TMC2: variants seen among roughly 807,000 people sequenced by gnomAD.
TMC2 encodes the protein transmembrane channel like 2.
Under a neutral mutation model 105.9 loss-of-function variants are expected in TMC2, and 102 were observed. That is an observed-to-expected ratio of 0.96 (90% CI 0.82 to 1.14). The LOEUF (loss-of-function observed/expected upper bound fraction) is 1.14, where lower values mean the gene tolerates loss of function less well. Ranked by LOEUF, TMC2 falls within the 50% of genes most tolerant of loss-of-function variation. The probability of loss-of-function intolerance (pLI) is 0.00; values close to 1 mark genes in which losing one functional copy is unlikely to be tolerated. For missense variants in TMC2, 1,093 were observed against 1,134.3 expected, an observed-to-expected ratio of 0.96 and a Z score of 0.52; for synonymous variants, 402 against 422.8, an observed-to-expected ratio of 0.95 and a Z score of 0.60.
At chr20:2,567,584 G>A (rs1161204359) in intron 4 of TMC2, among the ~76,000 whole-genome samples, 1 of 152,002 alleles carries the variant, frequency 6.6e-6, no homozygotes, top group Non-Finnish European at 1.5e-5. Flanking sequence ...TTTTTGTAGA[G>A]ACAGGGTCTC....
intron 9 of TMC2, 28 bp from the exon 10 acceptor site, chr20:2,597,123 C>T (rs759679947): frequency 1.7e-5 from 28 of 1,607,790 alleles, no homozygotes; most frequent in African/African-American, 9.4e-5. Flanking sequence ...AGAGGGCAGA[C>T]GTCACAACAG....
At chr20:2,615,620 C>T (rs906400181) in intron 14 of TMC2, among the ~76,000 whole-genome samples, 36 of 152,338 alleles carry the variant, frequency 2.4e-4, no homozygotes, top group African/African-American at 8.7e-4. Context: ...GGGTGCTTTC[C>T]TTTCCGTGAA....
intron 17 of TMC2, among the ~76,000 whole-genome samples, chr20:2,624,867 C>T (rs2086553254): frequency 6.6e-6 from 1 of 152,206 alleles, no homozygotes; most frequent in Non-Finnish European, 1.5e-5. Context: ...CTAGAAATAT[C>T]AAAGTCCTGT....
At chr20:2,638,265 C>T (rs1374551230) in intron 19 of TMC2, among the ~76,000 whole-genome samples, 7 of 151,062 alleles carry the variant, frequency 4.6e-5, no homozygotes, top group East Asian at 2.0e-4. Context: ...GGTGTGAACC[C>T]GGGAGGCGGA....
intron 4 of TMC2, among the ~76,000 whole-genome samples, chr20:2,571,175 C>T (rs528718562): frequency 1.3e-5 from 2 of 152,246 alleles, no homozygotes; most frequent in South Asian, 2.1e-4. Flanking sequence ...TACAAAGCTG[C>T]TGCACAACAA....
At chr20:2,554,419 T>C (rs1400708276) in intron 2 of TMC2, among the ~76,000 whole-genome samples, 1 of 152,196 alleles carries the variant, frequency 6.6e-6, no homozygotes, top group Non-Finnish European at 1.5e-5. Context: ...CTTCTCTCCA[T>C]CGTTTTCTTG....
intron 2 of TMC2, among the ~76,000 whole-genome samples, chr20:2,542,849 G>A (rs1051304064): frequency 2.6e-5 from 4 of 151,356 alleles, no homozygotes; most frequent in East Asian, 1.9e-4. Context: ...GCACTACCAC[G>A]CTTGGCTAAT....
chr20:2,628,812 G>C (rs932597203), intron 17 of TMC2, among the ~76,000 whole-genome samples: 1 of 151,848 alleles, frequency 6.6e-6, no homozygotes, highest in African/African-American at 2.4e-5. Flanking sequence ...TATGAAAACA[G>C]GCTAATAAGG....
chr20:2,601,030 A>G (rs935513347), intron 10 of TMC2, among the ~76,000 whole-genome samples: 1 of 151,424 alleles, frequency 6.6e-6, no homozygotes, highest in African/African-American at 2.4e-5. Context: ...AGTTCTATTA[A>G]TAGTATCCAA....
intron 2 of TMC2, among the ~76,000 whole-genome samples, chr20:2,550,712 GAATGCTGTATAGTTACAAT>G (rs1879721810): frequency 1.3e-5 from 2 of 152,250 alleles, no homozygotes; most frequent in South Asian, 4.1e-4. Flanking sequence ...TCTTTCTCCA[GAATGCTGTATAGTTACAAT>G]CATACAGCAT....
intron 11 of TMC2, among the ~76,000 whole-genome samples, chr20:2,606,653 C>A (rs73077213): frequency 2.0e-3 from 310 of 152,048 alleles, no homozygotes; most frequent in Middle Eastern, 0.014. Context: ...TTGTTCTATT[C>A]CCTTTTTTGG....
At chr20:2,632,575 ATTTTTGGGG>A (rs1358847641) in intron 17 of TMC2, among the ~76,000 whole-genome samples, 1 of 150,750 alleles carries the variant, frequency 6.6e-6, no homozygotes, top group Non-Finnish European at 1.5e-5. Flanking sequence ...GTCTTACTAG[ATTTTTGGGG>A]TTTTTTGTTT....
chr20:2,606,829 G>T (rs1387373012), intron 11 of TMC2, among the ~76,000 whole-genome samples: 1 of 140,678 alleles, frequency 7.1e-6, no homozygotes, highest in Admixed American at 6.9e-5. Context: ...ATTATGTTTT[G>T]CAATTGTGAT....
chr20:2,545,049 A>T (rs2085914304), intron 2 of TMC2, among the ~76,000 whole-genome samples: 1 of 139,506 alleles, frequency 7.2e-6, no homozygotes, highest in African/African-American at 2.5e-5. Context: ...AAAAAAAAAA[A>T]AAATTTAATT....
At chr20:2,583,271 T>C (rs2086208342) in intron 7 of TMC2, among the ~76,000 whole-genome samples, 1 of 152,216 alleles carries the variant, frequency 6.6e-6, no homozygotes, top group African/African-American at 2.4e-5. Context: ...ATGGTTAGGT[T>C]ATGAAAGATA....
intron 18 of TMC2, among the ~76,000 whole-genome samples, chr20:2,636,494 G>C (rs79499321): frequency 1.4e-5 from 1 of 71,722 alleles, no homozygotes; most frequent in African/African-American, 4.5e-5. Flanking sequence ...ACACACACAC[G>C]CACACACCCT....
intron 10 of TMC2, among the ~76,000 whole-genome samples, chr20:2,600,664 T>C (rs2086343704): frequency 6.6e-6 from 1 of 151,786 alleles, no homozygotes; most frequent in African/African-American, 2.4e-5. Context: ...CTACTAAAAA[T>C]ACAAAAAAAA....
At chr20:2,631,680 C>T (rs936531826) in intron 17 of TMC2, among the ~76,000 whole-genome samples, 22 of 146,510 alleles carry the variant, frequency 1.5e-4, no homozygotes, top group Admixed American at 2.8e-4. Context: ...TTCTCTCTTT[C>T]TGGATTCTCT....
rs1555774377 is a variant in TMC2 at position 2,589,270 on chromosome 20, C to CTTTGTGTGTG, written c.835-3039_835-3038insTTGTGTGTGT. Among the ~76,000 whole-genome samples the CTTTGTGTGTG allele has an allele frequency of 3.8e-3, 442 of 116,348 alleles. 5 individuals carry two copies. Among genetic ancestry groups the CTTTGTGTGTG allele is most frequent in the African/African-American group, 0.016 (404 of 25,820 alleles). The allele number at this position is 116,348 out of a possible 152,430, so 76.3% of individuals were successfully genotyped here. A position where few individuals can be genotyped will look rare whatever the true frequency, so the allele number is the denominator to read the frequency against. On this transcript the variant is annotated intron_variant, in intron 7 of 19. Coordinates refer to ENST00000358864, the MANE Select transcript of TMC2 (RefSeq NM_080751.3). The stretch of plus-strand genomic sequence containing the variant: ...TTTTCCAGATATCTTCCTATTTGCC[C>CTTTGTGTGTG]TGTGTGTGTGTGTGTGTGTGTGTGT...
Sources: allele counts gnomAD v4.1 joint callset (sites outside exome capture counted in the v4.1 genomes callset), GRCh38; gene constraint gnomAD v4.1.1; transcripts MANE v1.5; gene names NCBI Gene and HGNC (gene_info 2026-07-23, HGNC 2026-07-21).